Variants in PTGER3 observed in about 807,000 individuals in gnomAD.
The protein encoded by PTGER3 is prostaglandin E2 receptor EP3 subtype.
In PTGER3, 22 loss-of-function variants were observed where a neutral mutation model predicts 34.7. The observed-to-expected ratio is 0.63, with a 90% CI of 0.45 to 0.91. PTGER3 has a LOEUF of 0.91. PTGER3 is among the 40% of genes least tolerant of loss of function. PTGER3 has a pLI of 0.00. For synonymous variants in PTGER3, 241 were observed against 230.1 expected (o/e 1.05, Z -0.43); for missense variants, 468 against 519.4 (o/e 0.90, Z 0.96).
At chr1:70,942,529 T>C (rs895072040) in intron 4 of PTGER3, among the ~76,000 whole-genome samples, 1 of 152,186 alleles carries the variant, frequency 6.6e-6, no homozygotes, top group Non-Finnish European at 1.5e-5. Flanking sequence ...CACTCTTGCA[T>C]TTATACCTTT....
At chr1:70,896,921 C>T (rs1294139322) in intron 4 of PTGER3, among the ~76,000 whole-genome samples, 1 of 152,048 alleles carries the variant, frequency 6.6e-6, no homozygotes, top group Admixed American at 6.6e-5. Context: ...ACTCTAAATG[C>T]GGACGCTGGA....
intron 2 of PTGER3, among the ~76,000 whole-genome samples, chr1:70,961,106 G>A (rs1195755314): frequency 6.6e-6 from 1 of 152,164 alleles, no homozygotes; most frequent in Non-Finnish European, 1.5e-5. Flanking sequence ...CCACTGGACT[G>A]TAACAATGTC....
chr1:70,861,712 A>C (rs35226859), intron 4 of PTGER3, among the ~76,000 whole-genome samples: 46,756 of 151,738 alleles, frequency 0.31, 7,570 homozygotes, highest in Middle Eastern at 0.38. Flanking sequence ...AAAAAAAAAA[A>C]CAAAAACTTC....
intron 4 of PTGER3, among the ~76,000 whole-genome samples, chr1:70,933,390 AG>A (rs1300745850): frequency 6.6e-6 from 1 of 152,252 alleles, no homozygotes; most frequent in South Asian, 2.1e-4. Context: ...ATCATAAAAA[AG>A]ATCATACCTT....
chr1:70,897,856 G>C (rs139710614), intron 4 of PTGER3, among the ~76,000 whole-genome samples: 4 of 152,208 alleles, frequency 2.6e-5, no homozygotes, highest in South Asian at 2.1e-4. Context: ...TGTTTGATTT[G>C]TATCTCCCTA....
intron 4 of PTGER3, among the ~76,000 whole-genome samples, chr1:70,926,087 A>G (rs899143984): frequency 1.3e-5 from 2 of 152,282 alleles, no homozygotes; most frequent in South Asian, 2.1e-4. Context: ...TGTTATCAAC[A>G]TTGTAGAGGA....
intron 4 of PTGER3, among the ~76,000 whole-genome samples, chr1:70,898,160 G>A (rs1333600192): frequency 6.6e-6 from 1 of 152,158 alleles, no homozygotes; most frequent in East Asian, 1.9e-4. Flanking sequence ...GCATCCTCAT[G>A]TGAGGGGAAC....
intron 2 of PTGER3, chr1:71,009,465 TCTTCAA>T (rs1355578397): frequency 4.1e-6 from 4 of 982,508 alleles, no homozygotes; most frequent in Non-Finnish European, 4.8e-6. Flanking sequence ...CATTTTTGTT[TCTTCAA>T]CTTCAAGATA....
intron 1 of PTGER3, among the ~76,000 whole-genome samples, chr1:71,018,455 GA>G (rs1392862958): frequency 3.3e-5 from 5 of 151,924 alleles, no homozygotes; most frequent in Admixed American, 1.3e-4. Flanking sequence ...TTGGCTTTAT[GA>G]AAAAAAGCTT....
chr1:71,033,292 G>A (rs547402267), intron 1 of PTGER3, among the ~76,000 whole-genome samples: 2 of 152,212 alleles, frequency 1.3e-5, no homozygotes, highest in South Asian at 2.1e-4. Context: ...ATGTCAATAT[G>A]GGTACTTCAC....
At chr1:70,890,697 C>T (rs1297522411) in intron 4 of PTGER3, among the ~76,000 whole-genome samples, 1 of 152,218 alleles carries the variant, frequency 6.6e-6, no homozygotes, top group African/African-American at 2.4e-5. Flanking sequence ...TTCTCACACA[C>T]AGCCCTCCCT....
chr1:70,958,180 C>T (rs1039426055), intron 2 of PTGER3, among the ~76,000 whole-genome samples: 2 of 152,128 alleles, frequency 1.3e-5, no homozygotes, highest in African/African-American at 4.8e-5. Flanking sequence ...GATGTATCAT[C>T]AACATACCGA....
At chr1:70,852,722 G>A (rs571802089) in exon 5 of PTGER3, 58 of 1,260,438 alleles carry the variant, frequency 4.6e-5, no homozygotes, top group Non-Finnish European at 6.3e-5. Flanking sequence ...GGGTGGGCTT[G>A]GGGGAAGAAG....
chr1:70,857,743 C>T (rs1645841119), intron 4 of PTGER3, among the ~76,000 whole-genome samples: 2 of 152,048 alleles, frequency 1.3e-5, no homozygotes, highest in Non-Finnish European at 2.9e-5. Context: ...ACTGTGTTAG[C>T]CAGGATGGTC....
chr1:70,861,485 C>T (rs1442667926), intron 4 of PTGER3, among the ~76,000 whole-genome samples: 1 of 152,176 alleles, frequency 6.6e-6, no homozygotes, highest in Admixed American at 6.5e-5. Context: ...CTATATTTTG[C>T]TTTTATGCCT....
chr1:70,890,865 T>C (rs1646602012), intron 4 of PTGER3, among the ~76,000 whole-genome samples: 2 of 152,238 alleles, frequency 1.3e-5, no homozygotes, highest in African/African-American at 2.4e-5. Flanking sequence ...GTTTTATCTC[T>C]AGAGTTACCT....
chr1:70,930,587 A>G (rs958777900), intron 4 of PTGER3, among the ~76,000 whole-genome samples: 1 of 152,108 alleles, frequency 6.6e-6, no homozygotes, highest in African/African-American at 2.4e-5. Context: ...TCACATGGCT[A>G]GGGGGGCCTC....
chr1:70,911,954 A>G (rs1219792067), intron 4 of PTGER3, among the ~76,000 whole-genome samples: 1 of 152,112 alleles, frequency 6.6e-6, no homozygotes, highest in East Asian at 1.9e-4. Context: ...TCGTGATCCC[A>G]AATATTCACC....
chr1:70,994,954 T>G (rs1382849583), intron 2 of PTGER3, among the ~76,000 whole-genome samples: 1 of 152,044 alleles, frequency 6.6e-6, no homozygotes, highest in Non-Finnish European at 1.5e-5. Context: ...GACACTAAGA[T>G]TAAAATGATG....
Sources: gnomAD v4.1 joint callset for allele counts (sites outside exome capture counted in the v4.1 genomes callset) on GRCh38, gnomAD v4.1.1 for gene constraint, MANE v1.5 for transcripts, NCBI Gene and HGNC (gene_info 2026-07-23, HGNC 2026-07-21) for gene names.